Variants in TUBGCP4 observed in about 807,000 individuals in gnomAD.
TUBGCP4 encodes the protein gamma-tubulin complex component 4.
Under a neutral mutation model 91.6 loss-of-function variants are expected in TUBGCP4, and 54 were observed. The ratio of observed to expected loss-of-function variants is 0.59; its 90% CI spans 0.47 to 0.74. TUBGCP4 has a LOEUF of 0.74. Among genes scored for constraint, TUBGCP4 ranks in the 30% least tolerant of loss-of-function variants. The pLI is 0.00. For missense variants in TUBGCP4, 593 were observed against 800.9 expected (o/e 0.74, Z 3.13); for synonymous variants, 297 against 302.8 (o/e 0.98, Z 0.20).
rs117136652 is a variant in TUBGCP4 at position 43,396,732 on chromosome 15, T to G, written c.1172-482T>G. Among the ~76,000 whole-genome samples the G allele has an allele frequency of 1.3e-3, 191 of 152,260 alleles. 3 individuals carry two copies. In the East Asian group the frequency reaches 0.03, roughly 24 times the overall value. On this transcript the variant is annotated intron_variant, in intron 11 of 17. Coordinates refer to ENST00000564079, the MANE Select transcript of TUBGCP4 (RefSeq NM_014444.5). ...GGTCTCTTTCCATCTTCTACCTCTT[T>G]CTTCTCAGACAGGCCTGCTCTGTAT...
intron 9 of TUBGCP4, among the ~76,000 whole-genome samples, chr15:43,387,942 G>A (rs1039328362): frequency 1.3e-5 from 2 of 152,002 alleles, no homozygotes; most frequent in Non-Finnish European, 2.9e-5. Flanking sequence ...TCCGCCTCCC[G>A]GGTTGAAGCA....
Position 43,405,266 on chromosome 15 carries a change from A to T in TUBGCP4, c.*52A>T. On this transcript the variant is annotated 3_prime_UTR_variant, in exon 18 of 18. Coordinates refer to ENST00000564079, the MANE Select transcript of TUBGCP4 (RefSeq NM_014444.5). The stretch of plus-strand genomic sequence containing the variant: ...ACAGCCACGTTCCCAAGGTTGTAAC[A>T]GAAGATTCAAAACATCCCATTCTAG... 1 of 1,602,164 alleles carries T rather than the reference A, an allele frequency of 6.2e-7. No homozygotes were observed. Among genetic ancestry groups the T allele is most frequent in the Non-Finnish European group, 8.6e-7 (1 of 1,169,258 alleles).
Position 43,395,661 on chromosome 15 carries a change from A to C in TUBGCP4, c.1144A>C (p.Thr382Pro), listed in dbSNP as rs1190567135. 15 of 1,614,006 alleles carry C rather than the reference A, an allele frequency of 9.3e-6. No individual in the cohort carries two copies. Among genetic ancestry groups the C allele is most frequent in the East Asian group, 4.5e-5 (2 of 44,882 alleles). ...FIDTAQHMLKTPPTAVTEHDV... is the reference protein window; with the variant it reads ...FIDTAQHMLKPPPTAVTEHDV... The stretch of plus-strand genomic sequence containing the variant: ...TGACACAGCTCAACACATGTTGAAA[A>C]CACCACCCACTGCAGTAACTGAGCA... The change falls in exon 11 of 18, where the codon ACA becomes CCA. Residue 382 changes from threonine to proline, a missense_variant. By Grantham distance (38) the Thr-to-Pro change is conservative. Transcript: ENST00000564079.
At position 43,371,701 on chromosome 15, in the gene TUBGCP4, A is replaced by T. The variant is rs77214464; in HGVS notation, c.78+269A>T. 2.8e-4 allele frequency among the ~76,000 whole-genome samples: 43 copies of T among 152,280 alleles called. 1 individual carries two copies. The East Asian group carries it at 8.3e-3, about 29-fold the overall frequency. On this transcript the variant is annotated intron_variant, in intron 1 of 17. Coordinates refer to ENST00000564079, the MANE Select transcript of TUBGCP4 (RefSeq NM_014444.5). ...AGGGCCTGAGGTCCAGGTGTCTGACAGTTGCTGGGGAATGATATAGAAGTG... is the reference window on the plus strand; with the variant it reads ...AGGGCCTGAGGTCCAGGTGTCTGACTGTTGCTGGGGAATGATATAGAAGTG...
intron 2 of TUBGCP4, 130 bp downstream of exon 2, chr15:43,376,356 G>C: frequency 6.3e-7 from 1 of 1,593,610 alleles, no homozygotes; most frequent in Non-Finnish European, 8.6e-7. Flanking sequence ...ATAAGTTATG[G>C]ATTTCTCATC....
Position 43,371,239 on chromosome 15 carries a change from C to T in TUBGCP4, c.-116C>T, listed in dbSNP as rs544065838. On this transcript the variant is annotated 5_prime_UTR_variant, in exon 1 of 18. Transcript: ENST00000564079. ...TCTCGGTGGGTTGATTCGGCACAAA[C>T]CGCCCGACCCAGGGGCCGGTGCGCG... 9.0e-6 allele frequency: 10 copies of T among 1,105,024 alleles called. No individual in the cohort carries two copies. The highest frequency in any genetic ancestry group is 2.1e-4 in the Middle Eastern group (1 of 4,704). The allele number at this position is 1,105,024 out of a possible 1,614,324, so 68.5% of individuals were successfully genotyped here.
intron 16 of TUBGCP4, 97 bp from the exon 17 acceptor site, chr15:43,404,316 C>T: frequency 6.7e-7 from 1 of 1,484,320 alleles, no homozygotes; most frequent in Non-Finnish European, 9.1e-7. Context: ...GAATTTTGAA[C>T]AAGGCTTTTC....
chr15:43,409,590 C>T lies in TUBGCP4; in HGVS notation c.*4376C>T. 1.0e-6 allele frequency: 1 copy of T among 990,390 alleles called. No individual in the cohort carries two copies. The highest frequency in any genetic ancestry group is 1.5e-6 in the Non-Finnish European group (1 of 678,510). 61.4% of individuals were successfully genotyped at this position (990,390 alleles called of 1,614,324 possible). On this transcript the variant is annotated 3_prime_UTR_variant, in exon 18 of 18. Transcript: ENST00000564079. ...ACCCCTCCCAGGCCTCTTCTCAACA[C>T]AGCAAGTTGGCTCTTATCATTGCCA...
At chr15:43,392,957 C>T (rs868083249) in intron 9 of TUBGCP4, among the ~76,000 whole-genome samples, 3 of 152,278 alleles carry the variant, frequency 2.0e-5, no homozygotes, top group South Asian at 2.1e-4. Context: ...CCCCAAGCAG[C>T]CACTGATCTG....
At position 43,407,664 on chromosome 15, in the gene TUBGCP4, C is replaced by T; in HGVS notation, c.*2450C>T. Reference sequence around the variant, plus strand: ...TTGATTCTAACCAATACATCCCACTCTGCACAAACCAAAGCCCTATTATGT... The same window carrying T: ...TTGATTCTAACCAATACATCCCACTTTGCACAAACCAAAGCCCTATTATGT... On this transcript the variant is annotated 3_prime_UTR_variant, in exon 18 of 18. Transcript: ENST00000564079. 8.2e-7 allele frequency: 1 copy of T among 1,218,876 alleles called. No individual in the cohort carries two copies. Among genetic ancestry groups the T allele is most frequent in the Non-Finnish European group, 1.1e-6 (1 of 876,606 alleles). 75.5% of individuals were successfully genotyped at this position (1,218,876 alleles called of 1,614,324 possible). A position where few individuals can be genotyped will look rare whatever the true frequency, so the allele number is the denominator to read the frequency against.
rs748838653 is a variant in TUBGCP4 at position 43,401,803 on chromosome 15, C to T, written c.1684C>T (p.His562Tyr). The change falls in exon 15 of 18, where the codon CAC becomes TAC. Residue 562 changes from histidine to tyrosine, a missense_variant. Coordinates refer to ENST00000564079, the MANE Select transcript of TUBGCP4 (RefSeq NM_014444.5). ...DFESIRLAHD[H>Y]FLSNLLAQSF... ...TGAAAGCATCCGATTGGCTCATGAC[C>T]ACTTCCTGAGCAATTTGCTGGCTCA... is the stretch of plus-strand genomic sequence containing the variant. 5 of 1,614,108 alleles carry T rather than the reference C, an allele frequency of 3.1e-6. No homozygotes were observed. Among genetic ancestry groups the T allele is most frequent in the Non-Finnish European group, 4.2e-6 (5 of 1,180,006 alleles).
At chr15:43,383,588 T>G in intron 7 of TUBGCP4, 84 bp downstream of exon 7, 2 of 1,278,178 alleles carry the variant, frequency 1.6e-6, no homozygotes, top group Non-Finnish European at 2.1e-6. Context: ...TGATCCCTTC[T>G]TAGCTCATAG....
chr15:43,405,210 T>C lies in TUBGCP4; in HGVS notation c.1997T>C (p.Met666Thr). ...QAGGTLGSFG[M>T] Reference sequence around the variant, plus strand: ...CTTTTTCTCTTTTGTAGTTTCGGGATGTGAAAATTTCTGGCTCATAAATTG... The same window carrying C: ...CTTTTTCTCTTTTGTAGTTTCGGGACGTGAAAATTTCTGGCTCATAAATTG... Residue 666 changes from methionine (M) to threonine (T), a missense_variant, in exon 18 of 18, where the codon ATG becomes ACG. By Grantham distance (81) the Met-to-Thr change is moderately conservative. Coordinates refer to ENST00000564079, the MANE Select transcript of TUBGCP4 (RefSeq NM_014444.5). The C allele has an allele frequency of 6.2e-7, 1 of 1,614,176 alleles. No homozygotes were observed. The highest frequency in any genetic ancestry group is 8.5e-7 in the Non-Finnish European group (1 of 1,180,010).
intron 16 of TUBGCP4, 40 bp from the exon 17 acceptor site, chr15:43,404,373 G>A (rs1247665516): frequency 9.9e-6 from 16 of 1,611,738 alleles, no homozygotes; most frequent in African/African-American, 1.3e-5. Flanking sequence ...GAGAGTTGGT[G>A]AGCTGAAGTG....
At chr15:43,402,664 T>TA (rs1187091136) in intron 15 of TUBGCP4, 4 of 152,194 alleles carry the variant, frequency 2.6e-5, no homozygotes, top group Non-Finnish European at 5.9e-5. Flanking sequence ...CGGGACTCTT[T>TA]AAAAAAATCT....
chr15:43,392,745 C>T (rs1233650683), intron 9 of TUBGCP4, among the ~76,000 whole-genome samples: 6 of 152,066 alleles, frequency 3.9e-5, no homozygotes, highest in African/African-American at 1.2e-4. Context: ...GTGATCTGCC[C>T]GCTTCGGCCT....
At position 43,404,419 on chromosome 15, in the gene TUBGCP4, A is replaced by C. The variant is rs755510149; in HGVS notation, c.1855A>C (p.Ser619Arg). The C allele has an allele frequency of 6.2e-7, 1 of 1,614,102 alleles. No homozygotes were observed. The highest frequency in any genetic ancestry group is 8.5e-7 in the Non-Finnish European group (1 of 1,180,004). The change falls in exon 17 of 18, where the codon AGC becomes CGC. Residue 619 changes from serine to arginine, a missense_variant. Transcript: ENST00000564079. ...TGAGTCCTTCTCTCTGCAGGGCTTT[A>C]GCCGCCAGTCTTCACTCCTGTTCAA... is the stretch of plus-strand genomic sequence containing the variant. Reference protein sequence around the residue: ...AQLSILVKGFSRQSSLLFKIL... With the variant: ...AQLSILVKGFRRQSSLLFKIL...
chr15:43,408,612 G>A lies in TUBGCP4; in HGVS notation c.*3398G>A. ...TGAGAATAATCCAAATCATGCTCCT[G>A]AGCCTATATATTTTTAATGCTTGCT... is the stretch of plus-strand genomic sequence containing the variant. On this transcript the variant is annotated 3_prime_UTR_variant, in exon 18 of 18. Transcript: ENST00000564079. The A allele has an allele frequency of 4.9e-6, 2 of 406,212 alleles. No individual in the cohort carries two copies. The highest frequency in any genetic ancestry group is 5.9e-5 in the South Asian group (2 of 34,090). 25.2% of individuals were successfully genotyped at this position (406,212 alleles called of 1,614,324 possible). A position where few individuals can be genotyped will look rare whatever the true frequency, so the allele number is the denominator to read the frequency against.
intron 4 of TUBGCP4, 59 bp from the exon 5 acceptor site, chr15:43,377,788 T>A: frequency 2.2e-6 from 3 of 1,335,862 alleles, no homozygotes; most frequent in Admixed American, 2.1e-5. Flanking sequence ...ATTTCCCAAG[T>A]TGATTTTTTT....
Sources: gnomAD v4.1 joint callset for allele counts (sites outside exome capture counted in the v4.1 genomes callset) on GRCh38, gnomAD v4.1.1 for gene constraint, MANE v1.5 for transcripts, NCBI Gene and HGNC (gene_info 2026-07-23, HGNC 2026-07-21) for gene names.